Variants in DESI2 observed in about 807,000 individuals in gnomAD.
DESI2 encodes the protein desumoylating isopeptidase 2, also known as deubiquitinase DESI2.
Under a neutral mutation model 24.1 loss-of-function variants are expected in DESI2, and 10 were observed. The observed-to-expected ratio is 0.41, with a 90% CI of 0.26 to 0.70. The LOEUF is 0.70. Among genes scored for constraint, DESI2 ranks in the 30% least tolerant of loss-of-function variants. DESI2 has a pLI of 0.29. For missense variants in DESI2, 122 were observed against 234.9 expected, an observed-to-expected ratio of 0.52 and a Z score of 3.14; for synonymous variants, 71 against 87.7, an observed-to-expected ratio of 0.81 and a Z score of 1.06.
At position 244,706,510 on chromosome 1, in the gene DESI2, T is replaced by C. The variant is rs1429709202; in HGVS notation, c.*721T>C. ...TCTGACTTTGATGCCACTCATTCTA[T>C]AGTTTAGCTGGTTTTCGTTCAAGAT... is the stretch of plus-strand genomic sequence containing the variant. On this transcript the variant is annotated 3_prime_UTR_variant, in exon 5 of 5. Coordinates refer to ENST00000302550, the MANE Select transcript of DESI2 (RefSeq NM_016076.5). The C allele has an allele frequency of 2.0e-5, 3 of 152,696 alleles. No individual in the cohort carries two copies. 9.5% of individuals were successfully genotyped at this position (152,696 alleles called of 1,614,324 possible). A position where few individuals can be genotyped will look rare whatever the true frequency, so the allele number is the denominator to read the frequency against.
rs766027158 is a variant in DESI2 at position 244,705,773 on chromosome 1, G to A, written c.569G>A (p.Arg190His). The stretch of plus-strand genomic sequence containing the variant: ...ACTGCAGCAGGCTCCAGACCCGGGC[G>A]CCACACTAAACTATAAATGTCTCCA... ...ASTAAGSRPG[R>H]HTKL The change falls in exon 5 of 5, where the codon CGC (arginine) becomes CAC (histidine). Residue 190 changes from arginine (R) to histidine (H), a missense_variant. Around this residue, in one of 6 missense-constraint regions of DESI2, gnomAD observed 56 missense variants for 67.9 expected, o/e 0.82. Coordinates refer to ENST00000302550, the MANE Select transcript of DESI2 (RefSeq NM_016076.5). 5.0e-6 allele frequency: 8 copies of A among 1,609,908 alleles called. No individual in the cohort carries two copies. Among genetic ancestry groups the A allele is most frequent in the Admixed American group, 1.7e-5 (1 of 59,968 alleles).
rs767236988 is a variant in DESI2 at position 244,708,736 on chromosome 1, A to G, written c.*2947A>G. On this transcript the variant is annotated 3_prime_UTR_variant, in exon 5 of 5. Transcript: ENST00000302550. ...TGTTTTTTCAGCAAGCTAGCCATAC[A>G]ACCATTGTATCTCTTTCTCTTCAGT... The G allele has an allele frequency of 3.9e-5, 6 of 152,632 alleles. No homozygotes were observed. Among genetic ancestry groups the G allele is most frequent in the Non-Finnish European group, 7.3e-5 (5 of 68,048 alleles). 9.5% of individuals were successfully genotyped at this position (152,632 alleles called of 1,614,324 possible). A position where few individuals can be genotyped will look rare whatever the true frequency, so the allele number is the denominator to read the frequency against.
In DESI2 at chr1:244,706,463, GGGT is replaced by G. The variant is rs368634123; in HGVS notation, c.*678_*680del. On this transcript the variant is annotated 3_prime_UTR_variant, in exon 5 of 5. Transcript: ENST00000302550. ...TCCCAAATATCCGTCCACCTAGGCG[GGGT>G]GGTATGTTCTTACGTCTCTCTGACT... The G allele has an allele frequency of 1.1e-3, 171 of 152,878 alleles. No individual in the cohort carries two copies. Among genetic ancestry groups the G allele is most frequent in the African/African-American group, 3.9e-3 (161 of 41,572 alleles). 9.5% of individuals were successfully genotyped at this position (152,878 alleles called of 1,614,324 possible). A position where few individuals can be genotyped will look rare whatever the true frequency, so the allele number is the denominator to read the frequency against.
intron 1 of DESI2, among the ~76,000 whole-genome samples, chr1:244,669,605 G>C (rs898554312): frequency 1.3e-5 from 2 of 152,052 alleles, no homozygotes; most frequent in Non-Finnish European, 2.9e-5. Context: ...CTGAACCCGG[G>C]AGGCAGAGGT....
Position 244,678,704 on chromosome 1 carries a change from T to G in DESI2, c.43-7893T>G, listed in dbSNP as rs147180514. ...CATTTACTAAGCATTTAAAACCTTTTGATTATTGTAGCCAAACCATTATGT... is the reference window on the plus strand; with the variant it reads ...CATTTACTAAGCATTTAAAACCTTTGGATTATTGTAGCCAAACCATTATGT... On this transcript the variant is annotated intron_variant, in intron 1 of 4. Transcript: ENST00000302550. Among the ~76,000 whole-genome samples, 24 of 152,342 alleles carry G rather than the reference T, an allele frequency of 1.6e-4. No homozygotes were observed. In the East Asian group the frequency reaches 4.1e-3, roughly 26 times the overall value.
At position 244,682,195 on chromosome 1, in the gene DESI2, G is replaced by A. The variant is rs534544497; in HGVS notation, c.43-4402G>A. Among the ~76,000 whole-genome samples, 33 of 152,206 alleles carry A rather than the reference G, an allele frequency of 2.2e-4. 1 individual carries two copies. The South Asian group carries it at 4.6e-3, about 21-fold the overall frequency. On this transcript the variant is annotated intron_variant, in intron 1 of 4. Transcript: ENST00000302550. ...CTGAGCAGGTTGTGGCTGCTGGCTT[G>A]GGTGGCCAGCTTTTAGTCCCTTATT...
At chr1:244,664,965 A>G (rs1307929938) in intron 1 of DESI2, among the ~76,000 whole-genome samples, 2 of 152,164 alleles carry the variant, frequency 1.3e-5, no homozygotes, top group Non-Finnish European at 2.9e-5. Flanking sequence ...TGAATAATCC[A>G]TGCTTCCCCA....
intron 1 of DESI2, among the ~76,000 whole-genome samples, chr1:244,666,063 G>A (rs1419683555): frequency 6.6e-6 from 1 of 152,134 alleles, no homozygotes; most frequent in Non-Finnish European, 1.5e-5. Context: ...CTGTCTAGCA[G>A]TGCTTCCTTA....
intron 4 of DESI2, among the ~76,000 whole-genome samples, chr1:244,699,978 A>G (rs1262899672): frequency 6.6e-6 from 1 of 152,238 alleles, no homozygotes; most frequent in Non-Finnish European, 1.5e-5. Context: ...TGTCATCCAC[A>G]GTCGTGAGGC....
At chr1:244,701,275 GATCATCTCA>G (rs1677452353) in intron 4 of DESI2, among the ~76,000 whole-genome samples, 1 of 126,234 alleles carries the variant, frequency 7.9e-6, no homozygotes, top group South Asian at 2.5e-4. Context: ...GTGACTCGTG[GATCATCTCA>G]ACCATCTCGA....
At chr1:244,661,612 A>G (rs1408337271) in intron 1 of DESI2, among the ~76,000 whole-genome samples, 1 of 139,172 alleles carries the variant, frequency 7.2e-6, no homozygotes, top group African/African-American at 2.7e-5. Flanking sequence ...TCCTGTGTCC[A>G]AGTGTTCTCC....
chr1:244,669,445 G>A (rs56106542), intron 1 of DESI2, among the ~76,000 whole-genome samples: 10 of 152,084 alleles, frequency 6.6e-5, no homozygotes, highest in African/African-American at 2.4e-4. Context: ...TTGGGAGGCC[G>A]AGGTGGGCGG....
intron 4 of DESI2, chr1:244,694,414 C>T: frequency 1.4e-6 from 1 of 705,464 alleles, no homozygotes. Flanking sequence ...TATTGCATTA[C>T]TCATCGTTGA....
intron 1 of DESI2, among the ~76,000 whole-genome samples, chr1:244,672,159 C>T (rs930601505): frequency 1.3e-5 from 2 of 152,046 alleles, no homozygotes; most frequent in Non-Finnish European, 2.9e-5. Flanking sequence ...CATAGCAAGA[C>T]TCCATCTCTT....
At chr1:244,685,242 A>G (rs1461577828) in intron 1 of DESI2, among the ~76,000 whole-genome samples, 1 of 152,120 alleles carries the variant, frequency 6.6e-6, no homozygotes, top group Non-Finnish European at 1.5e-5. Flanking sequence ...TTCCCACCTA[A>G]AATTTTTAAA....
At chr1:244,672,833 C>T (rs1205697728) in intron 1 of DESI2, among the ~76,000 whole-genome samples, 1 of 151,888 alleles carries the variant, frequency 6.6e-6, no homozygotes. Flanking sequence ...GCCAAGATCG[C>T]CCCATTGCAC....
chr1:244,686,695 ACT>A (rs772538166), intron 2 of DESI2, 26 bp downstream of exon 2: 168 of 1,464,408 alleles, frequency 1.1e-4, no homozygotes, highest in Non-Finnish European at 1.5e-4. Context: ...GTCTAAATAT[ACT>A]CTCTGAAGAT....
chr1:244,661,574 C>A (rs1675845486), intron 1 of DESI2, among the ~76,000 whole-genome samples: 1 of 151,944 alleles, frequency 6.6e-6, no homozygotes. Flanking sequence ...CCCACCCCAC[C>A]ACAGGCCCCA....
chr1:244,705,896 T>C lies in DESI2; in HGVS notation c.*107T>C. On this transcript the variant is annotated 3_prime_UTR_variant, in exon 5 of 5. Transcript: ENST00000302550. ...GATATTTTGTATGCAAAGATGGCTC[T>C]CCCCCAAATCCCAGTTTTTCAGCTC... 1.3e-6 allele frequency: 1 copy of C among 762,636 alleles called. No individual in the cohort carries two copies. Among genetic ancestry groups the C allele is most frequent in the South Asian group, 1.9e-5 (1 of 53,870 alleles). 47.2% of individuals were successfully genotyped at this position (762,636 alleles called of 1,614,324 possible).
Sources: allele counts gnomAD v4.1 joint callset (sites outside exome capture counted in the v4.1 genomes callset), GRCh38; gene constraint gnomAD v4.1.1; regional missense constraint gnomAD v4.1.1; transcripts MANE v1.5; gene names NCBI Gene and HGNC (gene_info 2026-07-23, HGNC 2026-07-21).